Variants in LTN1 observed in about 807,000 individuals in gnomAD.
LTN1 encodes E3 ubiquitin-protein ligase listerin.
In LTN1, 88 loss-of-function variants were observed where a neutral mutation model predicts 201.2. The observed-to-expected ratio is 0.44, with a 90% confidence interval of 0.37 to 0.52. The LOEUF (loss-of-function observed/expected upper bound fraction) is 0.52, where lower values mean the gene tolerates loss of function less well. Ranked by LOEUF, LTN1 falls within the 20% of genes least tolerant of loss-of-function variation. The pLI is 0.00. For missense variants in LTN1, 1,752 were observed against 2,038.7 expected (o/e 0.86, Z 2.71); for synonymous variants, 645 against 713.5 (o/e 0.90, Z 1.53).
At chr21:28,941,536 CT>C (rs1369648555) in intron 24 of LTN1, 130 bp from the exon 25 acceptor site, 5 of 649,142 alleles carry the variant, frequency 7.7e-6, no homozygotes, top group Non-Finnish European at 1.0e-5. Flanking sequence ...AAAAATTCCC[CT>C]CTATTGAGCC....
At chr21:28,969,671 A>G in intron 8 of LTN1, 70 bp from the exon 9 acceptor site, 1 of 1,236,616 alleles carries the variant, frequency 8.1e-7, no homozygotes, top group Non-Finnish European at 1.1e-6. Context: ...TATCAAAATA[A>G]AGACCTCAAA....
At chr21:28,977,142 G>C (rs758012727) in intron 6 of LTN1, among the ~76,000 whole-genome samples, 1 of 152,190 alleles carries the variant, frequency 6.6e-6, no homozygotes, top group South Asian at 2.1e-4. Flanking sequence ...GGGAGGCCGA[G>C]GCAGGTGGAT....
At chr21:28,946,108 G>C (rs1468173114) in intron 20 of LTN1, 44 bp downstream of exon 20, 1 of 1,528,620 alleles carries the variant, frequency 6.5e-7, no homozygotes, top group East Asian at 2.3e-5. Flanking sequence ...ATCTTTGTCT[G>C]AATTGTATAC....
intron 16 of LTN1, among the ~76,000 whole-genome samples, chr21:28,956,038 T>C (rs1043489626): frequency 6.6e-6 from 1 of 151,258 alleles, no homozygotes; most frequent in African/African-American, 2.4e-5. Context: ...AAACATCACA[T>C]GTTCTAATTT....
At chr21:28,977,944 A>G (rs1568855652) in intron 6 of LTN1, among the ~76,000 whole-genome samples, 3 of 151,904 alleles carry the variant, frequency 2.0e-5, no homozygotes, top group East Asian at 1.9e-4. Context: ...AAAAAAAGAC[A>G]TATCATAATG....
At chr21:28,930,598 C>T (rs1413248535) in intron 29 of LTN1, 88 bp from the exon 30 acceptor site, 4 of 806,398 alleles carry the variant, frequency 5.0e-6, no homozygotes, top group Non-Finnish European at 7.9e-6. Context: ...TCTATAGTAA[C>T]CTTCAAATGA....
intron 27 of LTN1, among the ~76,000 whole-genome samples, chr21:28,934,725 G>C (rs1434002317): frequency 6.6e-6 from 1 of 152,112 alleles, no homozygotes; most frequent in Non-Finnish European, 1.5e-5. Context: ...CCAAAATGCT[G>C]GGATTACAGG....
chr21:28,938,675 C>T (rs2084275012), intron 25 of LTN1, among the ~76,000 whole-genome samples: 4 of 152,044 alleles, frequency 2.6e-5, no homozygotes, highest in Admixed American at 1.3e-4. Context: ...ACCTAAATGC[C>T]CATTAATGGA....
intron 6 of LTN1, among the ~76,000 whole-genome samples, chr21:28,978,401 C>A (rs2084633067): frequency 1.3e-5 from 2 of 152,056 alleles, no homozygotes; most frequent in Admixed American, 1.3e-4. Flanking sequence ...AAACAGTTTA[C>A]TAGGTAATGT....
rs540181836 is a variant in LTN1 at position 28,970,106 on chromosome 21, A to G, written c.1175+446T>C. On this transcript the variant is annotated intron_variant, in intron 8 of 29. Transcript: ENST00000361371. ...ATAAAATGATGTATCTTCTAAGTTC[A>G]ACAAATGTACTGAAACAGTTTTTTT... Among the ~76,000 whole-genome samples, 17 of 152,388 alleles carry G rather than the reference A, an allele frequency of 1.1e-4. No individual in the cohort carries two copies. In the South Asian group the frequency reaches 3.3e-3, roughly 30 times the overall value.
At chr21:28,967,302 T>C (rs982928367) in intron 9 of LTN1, 123 bp from the exon 10 acceptor site, 12 of 708,154 alleles carry the variant, frequency 1.7e-5, no homozygotes, top group Admixed American at 8.8e-5. Context: ...AATGGGTTGA[T>C]TGATGGCTGG....
At chr21:28,985,756 G>A (rs1209710445) in intron 3 of LTN1, among the ~76,000 whole-genome samples, 1 of 151,656 alleles carries the variant, frequency 6.6e-6, no homozygotes, top group East Asian at 1.9e-4. Flanking sequence ...GCCCCACCGG[G>A]TTCAAGCGAT....
intron 24 of LTN1, among the ~76,000 whole-genome samples, chr21:28,943,045 T>C (rs2084309397): frequency 6.6e-6 from 1 of 152,172 alleles, no homozygotes; most frequent in Non-Finnish European, 1.5e-5. Context: ...TACTGAACAG[T>C]AGCAAACGGA....
chr21:28,987,136 T>C (rs764109029), intron 1 of LTN1, among the ~76,000 whole-genome samples: 16 of 152,210 alleles, frequency 1.1e-4, no homozygotes, highest in Non-Finnish European at 2.1e-4. Flanking sequence ...ATCCTAGAAA[T>C]TATTCTGTTT....
At chr21:28,988,035 C>T (rs552537040) in intron 1 of LTN1, among the ~76,000 whole-genome samples, 8 of 149,456 alleles carry the variant, frequency 5.4e-5, no homozygotes, top group South Asian at 4.2e-4. Flanking sequence ...CCCAGCTACT[C>T]GGGAGGCTGA....
At position 28,971,572 on chromosome 21, in the gene LTN1, C is replaced by T; in HGVS notation, c.811-128G>A. The T allele has an allele frequency of 2.5e-6, 2 of 796,686 alleles. 1 individual carries two copies. Among genetic ancestry groups the T allele is most frequent in the Non-Finnish European group, 3.8e-6 (2 of 522,864 alleles). 49.4% of individuals were successfully genotyped at this position (796,686 alleles called of 1,614,324 possible). Reference sequence around the variant, plus strand: ...AAAACTAAAATAGCTAGAAAAAATACTTTTTAAAATCTTAGAGTATGAAAT... The same window carrying T: ...AAAACTAAAATAGCTAGAAAAAATATTTTTTAAAATCTTAGAGTATGAAAT... On this transcript the variant is annotated intron_variant, in intron 6 of 29. Transcript: ENST00000361371.
At chr21:28,962,491 C>T (rs1228945368) in intron 11 of LTN1, among the ~76,000 whole-genome samples, 2 of 152,160 alleles carry the variant, frequency 1.3e-5, no homozygotes, top group African/African-American at 4.8e-5. Context: ...GTGCCACAAA[C>T]CATTGCCATA....
chr21:28,941,025 C>A (rs555805520), intron 25 of LTN1, among the ~76,000 whole-genome samples, 195 bp downstream of exon 25: 2 of 151,976 alleles, frequency 1.3e-5, no homozygotes, highest in African/African-American at 4.8e-5. Flanking sequence ...TGCAGTGAGC[C>A]GAGATTGTGC....
In LTN1 at chr21:28,984,907, C is replaced by A; in HGVS notation, c.361G>T (p.Val121Phe). 6.2e-7 allele frequency: 1 copy of A among 1,612,982 alleles called. No homozygotes were observed. Residue 121 changes from valine to phenylalanine, a missense_variant, in exon 4 of 30, where the codon GTC (valine) becomes TTC (phenylalanine). By Grantham distance (50) the Val-to-Phe change is conservative. Around this residue, in one of 3 missense-constraint regions of LTN1, gnomAD observed 280 missense variants for 375.7 expected, o/e 0.75. Coordinates refer to ENST00000361371, the MANE Select transcript of LTN1 (RefSeq NM_015565.3). The stretch of plus-strand genomic sequence containing the variant: ...AAAGCTTGTTGTGTGGCTTCTCGGA[C>A]GCGACGGTCATGATCCTATTAAAAA... ...CKISLDHDRR[V>F]REATQQAFEK...
Sources: gnomAD v4.1 joint callset for allele counts (sites outside exome capture counted in the v4.1 genomes callset) on GRCh38, gnomAD v4.1.1 for gene constraint, gnomAD v4.1.1 regional missense constraint, MANE v1.5 for transcripts, NCBI Gene and HGNC (gene_info 2026-07-23, HGNC 2026-07-21) for gene names.